NDUFAF6: variants seen among roughly 807,000 people sequenced by gnomAD.
NDUFAF6 encodes NADH dehydrogenase (ubiquinone) complex I, assembly factor 6.
In NDUFAF6, 45 loss-of-function variants were observed where a neutral mutation model predicts 40.8. The observed-to-expected ratio is 1.10, with a 90% CI of 0.87 to 1.42. The LOEUF (loss-of-function observed/expected upper bound fraction) is 1.42. Among genes scored for constraint, NDUFAF6 ranks in the 40% most tolerant of loss-of-function variants. The pLI, the probability that NDUFAF6 is intolerant of heterozygous loss-of-function variation, is 0.00. For missense variants in NDUFAF6, 435 were observed against 418.5 expected (o/e 1.04, Z -0.34); for synonymous variants, 185 against 155.9 (o/e 1.19, Z -1.39).
chr8:94,970,631 C>T (rs1482519699), intron 1 of NDUFAF6, among the ~76,000 whole-genome samples: 1 of 152,014 alleles, frequency 6.6e-6, no homozygotes, highest in Non-Finnish European at 1.5e-5. Flanking sequence ...ATGCTGAACA[C>T]CAGGAGACTG....
intron 2 of NDUFAF6, among the ~76,000 whole-genome samples, chr8:95,017,891 G>A (rs983670721): frequency 1.3e-5 from 2 of 152,104 alleles, no homozygotes; most frequent in Non-Finnish European, 2.9e-5. Context: ...TTTGAAGAAA[G>A]ACATTTTGTC....
At chr8:94,941,160 T>TA (rs908253451) in intron 1 of NDUFAF6, 1 of 476,298 alleles carries the variant, frequency 2.1e-6, no homozygotes, top group Admixed American at 3.9e-5. Flanking sequence ...TACATACACA[T>TA]ACACACATAC....
chr8:95,026,089 C>T (rs978614237), intron 1 of NDUFAF6, among the ~76,000 whole-genome samples: 2 of 151,970 alleles, frequency 1.3e-5, no homozygotes, highest in African/African-American at 4.8e-5. Context: ...CAAGTAAAAC[C>T]GTTTTTTTTT....
At chr8:95,028,937 C>G (rs994397589) in intron 1 of NDUFAF6, among the ~76,000 whole-genome samples, 5 of 152,148 alleles carry the variant, frequency 3.3e-5, no homozygotes, top group Non-Finnish European at 5.9e-5. Context: ...CCATTTTGTT[C>G]CCCAAAGGTG....
In NDUFAF6 at chr8:95,057,977, T is replaced by C. The variant is rs1181982579; in HGVS notation, c.*40T>C. The C allele has an allele frequency of 5.9e-6, 9 of 1,523,226 alleles. No individual in the cohort carries two copies. Among genetic ancestry groups the C allele is most frequent in the Non-Finnish European group, 8.1e-6 (9 of 1,108,334 alleles). The allele number at this position is 1,523,226 out of a possible 1,614,324, so 94.4% of individuals were successfully genotyped here. A position where few individuals can be genotyped will look rare whatever the true frequency, so the allele number is the denominator to read the frequency against. On this transcript the variant is annotated 3_prime_UTR_variant, in exon 9 of 9. Coordinates refer to ENST00000396124, the MANE Select transcript of NDUFAF6 (RefSeq NM_152416.4). Reference sequence around the variant, plus strand: ...ATTGATGTTAATTCTAGTCTATTAGTTTTATAAAAGTTAGGATTCTTATTT... The same window carrying C: ...ATTGATGTTAATTCTAGTCTATTAGCTTTATAAAAGTTAGGATTCTTATTT...
downstream of NDUFAF6, among the ~76,000 whole-genome samples, chr8:95,060,464 A>C (rs916047394): frequency 6.6e-6 from 1 of 152,230 alleles, no homozygotes; most frequent in African/African-American, 2.4e-5. Flanking sequence ...TCAATTGGCA[A>C]TATTCTTTCT....
At chr8:95,082,259 T>C (rs1300270143) in intron 2 of NDUFAF6, among the ~76,000 whole-genome samples, 1 of 152,052 alleles carries the variant, frequency 6.6e-6, no homozygotes. Flanking sequence ...GGAGGATCAC[T>C]TGAGCCCAGG....
At chr8:94,922,932 A>AC (rs764070781) in intron 1 of NDUFAF6, among the ~76,000 whole-genome samples, 63 of 152,180 alleles carry the variant, frequency 4.1e-4, no homozygotes, top group Non-Finnish European at 7.6e-4. Context: ...TTGAGCTCGT[A>AC]CCCCCTCCAT....
intron 2 of NDUFAF6, among the ~76,000 whole-genome samples, chr8:95,016,791 TAATC>T (rs1237273878): frequency 2.0e-5 from 3 of 152,130 alleles, no homozygotes; most frequent in East Asian, 1.9e-4. Flanking sequence ...TCCAAGTCCT[TAATC>T]AATCAGAGTC....
At chr8:95,092,765 T>A (rs1809304128) in intron 2 of NDUFAF6, among the ~76,000 whole-genome samples, 1 of 152,066 alleles carries the variant, frequency 6.6e-6, no homozygotes, top group African/African-American at 2.4e-5. Flanking sequence ...TTTGTATTTT[T>A]AGTAGAGATG....
intron 9 of NDUFAF6, among the ~76,000 whole-genome samples, chr8:95,065,875 C>T (rs1052636059): frequency 1.6e-5 from 2 of 125,606 alleles, no homozygotes; most frequent in Non-Finnish European, 3.4e-5. Flanking sequence ...ATTTGTTTAT[C>T]CTTTGATTTA....
chr8:95,073,596 GA>G (rs1363054414), intron 9 of NDUFAF6, among the ~76,000 whole-genome samples: 1 of 152,020 alleles, frequency 6.6e-6, no homozygotes, highest in African/African-American at 2.4e-5. Context: ...GGGGTCCTGC[GA>G]ACCCCATCCA....
intron 2 of NDUFAF6, among the ~76,000 whole-genome samples, chr8:95,088,725 GTGTTTTCTTTT>G (rs199530555): frequency 7.9e-4 from 51 of 64,446 alleles, no homozygotes; most frequent in South Asian, 5.5e-3. Context: ...GTGTGTGTGT[GTGTTTTCTTTT>G]TGTTTTCTTG....
chr8:94,895,983 C>T (rs1392015982), intron 1 of NDUFAF6: 1 of 152,612 alleles, frequency 6.6e-6, no homozygotes, highest in Non-Finnish European at 1.5e-5. Context: ...TTTCCCTCCC[C>T]ATGGGTCGGT....
chr8:95,010,744 CTAGTGT>C (rs1827193243), intron 2 of NDUFAF6, among the ~76,000 whole-genome samples: 1 of 152,130 alleles, frequency 6.6e-6, no homozygotes, highest in African/African-American at 2.4e-5. Context: ...AAAAATCCTA[CTAGTGT>C]TAAAGTTTAG....
intron 1 of NDUFAF6, among the ~76,000 whole-genome samples, chr8:94,965,474 G>A (rs1823939959): frequency 6.6e-6 from 1 of 152,192 alleles, no homozygotes; most frequent in South Asian, 2.1e-4. Context: ...AAGCTATGCT[G>A]AGACATGATC....
chr8:94,987,011 G>A (rs1446318428), intron 2 of NDUFAF6, among the ~76,000 whole-genome samples: 4 of 151,680 alleles, frequency 2.6e-5, no homozygotes, highest in African/African-American at 9.7e-5. Flanking sequence ...TGCTAACATT[G>A]GTGTATCCAC....
At chr8:94,933,940 G>A (rs1586705779) in intron 1 of NDUFAF6, among the ~76,000 whole-genome samples, 1 of 151,406 alleles carries the variant, frequency 6.6e-6, no homozygotes, top group South Asian at 2.1e-4. Context: ...GCGTAGTGGC[G>A]GTGGCACATG....
intron 1 of NDUFAF6, among the ~76,000 whole-genome samples, chr8:94,942,386 C>T (rs1220819731): frequency 6.6e-6 from 1 of 152,048 alleles, no homozygotes; most frequent in Non-Finnish European, 1.5e-5. Context: ...CACCAAGTCC[C>T]GTCAACCCCA....
Sources: gnomAD v4.1 joint callset for allele counts (sites outside exome capture counted in the v4.1 genomes callset) on GRCh38, gnomAD v4.1.1 for gene constraint, MANE v1.5 for transcripts, NCBI Gene and HGNC (gene_info 2026-07-23, HGNC 2026-07-21) for gene names.